The following ENPP4 variants were observed in gnomAD, a reference collection of about 807,000 sequenced individuals.
ENPP4 encodes the protein bis(5'-adenosyl)-triphosphatase ENPP4.
Under a neutral mutation model 33.4 loss-of-function variants are expected in ENPP4, and 18 were observed. That is an observed-to-expected ratio of 0.54 (90% CI 0.37 to 0.80). The LOEUF (loss-of-function observed/expected upper bound fraction) is 0.80, where lower values mean the gene tolerates loss of function less well. ENPP4 is among the 30% of genes least tolerant of loss of function. The probability of loss-of-function intolerance (pLI) is 0.00; values close to 1 mark genes in which losing one functional copy is unlikely to be tolerated. For missense variants in ENPP4, 480 were observed against 541.7 expected (o/e 0.89, Z 1.13); for synonymous variants, 172 against 189.9 (o/e 0.91, Z 0.78).
intron 1 of ENPP4, among the ~76,000 whole-genome samples, chr6:46,138,707 TTAGAGACCAAAGAAGA>T (rs1764011743): frequency 2.0e-5 from 3 of 151,888 alleles, no homozygotes; most frequent in South Asian, 2.1e-4. Flanking sequence ...TCCTATTTTC[TTAGAGACCAAAGAAGA>T]TAGAGAGCAA....
rs762912505 is a variant in ENPP4, at chr6:46,140,180, T to A, written c.597T>A (p.Asp199Glu). The change falls in exon 2 of 4, where the codon GAT becomes GAA. Residue 199 changes from aspartate (D) to glutamate (E), a missense_variant. Physicochemically the swap from Asp to Glu is conservative, Grantham distance 45. Around this residue, in one of 3 missense-constraint regions of ENPP4, gnomAD observed 227 missense variants for 273.7 expected, o/e 0.83. Transcript: ENST00000321037. ...DASGHKYGPEDKENMSRVLKK... is the reference protein window; with the variant it reads ...DASGHKYGPEEKENMSRVLKK... The stretch of plus-strand genomic sequence containing the variant: ...GTGGCCACAAATACGGACCTGAAGA[T>A]AAAGAAAACATGAGCAGAGTGTTGA... 4 of 1,612,542 alleles carry A rather than the reference T, an allele frequency of 2.5e-6. No individual in the cohort carries two copies. Among genetic ancestry groups the A allele is most frequent in the Non-Finnish European group, 2.5e-6 (3 of 1,179,060 alleles).
At chr6:46,143,183 T>C in intron 3 of ENPP4, 93 bp from the exon 4 acceptor site, 4 of 1,247,704 alleles carry the variant, frequency 3.2e-6, no homozygotes, top group Non-Finnish European at 4.4e-6. Flanking sequence ...CTAGTCCCTT[T>C]CTGAAAGAAT....
intron 1 of ENPP4, among the ~76,000 whole-genome samples, chr6:46,131,375 G>T (rs993671280): frequency 1.5e-5 from 2 of 132,956 alleles, no homozygotes; most frequent in African/African-American, 5.9e-5. Context: ...TGTTCTCATT[G>T]TTCAATTCCC....
intron 3 of ENPP4, among the ~76,000 whole-genome samples, chr6:46,142,451 ATATAT>A (rs1214350097): frequency 2.5e-5 from 3 of 121,694 alleles, no homozygotes; most frequent in African/African-American, 8.5e-5. Flanking sequence ...AGAATATATT[ATATAT>A]TATATATAGA....
rs370270459 is a variant in ENPP4, at chr6:46,132,762, G to A, written c.-34+2573G>A. Among the ~76,000 whole-genome samples, 8 of 152,122 alleles carry A rather than the reference G, an allele frequency of 5.3e-5. No individual in the cohort carries two copies. The East Asian group carries it at 5.8e-4, about 11-fold the overall frequency. On this transcript the variant is annotated intron_variant, in intron 1 of 3. Coordinates refer to ENST00000321037, the MANE Select transcript of ENPP4 (RefSeq NM_014936.5). ...CCTTGGGCATTATGGCCATTTTCACGATATTGATTCTTCCTACCCATGAGC... is the reference window on the plus strand; with the variant it reads ...CCTTGGGCATTATGGCCATTTTCACAATATTGATTCTTCCTACCCATGAGC...
chr6:46,145,150 A>G lies in ENPP4; in HGVS notation c.*1510A>G, dbSNP rs3777632. 57,503 of 377,258 alleles carry G rather than the reference A, an allele frequency of 0.15. 5,141 individuals carry two copies. Among genetic ancestry groups the G allele is most frequent in the South Asian group, 0.34 (2,309 of 6,880 alleles). The allele number at this position is 377,258 out of a possible 1,614,324, so 23.4% of individuals were successfully genotyped here. The stretch of plus-strand genomic sequence containing the variant: ...ACTGTTTTACAAATATAAAAGTATA[A>G]TAAATATGCAGCCCAGTTAAATATT... On this transcript the variant is annotated 3_prime_UTR_variant, in exon 4 of 4. Coordinates refer to ENST00000321037, the MANE Select transcript of ENPP4 (RefSeq NM_014936.5).
Position 46,141,087 on chromosome 6 carries a change from A to G in ENPP4, c.862A>G (p.Ser288Gly), listed in dbSNP as rs1276830970. The G allele has an allele frequency of 3.1e-6, 5 of 1,606,470 alleles. No individual in the cohort carries two copies. Among genetic ancestry groups the G allele is most frequent in the Non-Finnish European group, 3.4e-6 (4 of 1,175,150 alleles). ...TEVYNKLKNCSPHMNVYLKED... is the reference protein window; with the variant it reads ...TEVYNKLKNCGPHMNVYLKED... Reference sequence around the variant, plus strand: ...GGTTTATAACAAACTGAAAAACTGTAGCCCTCATATGAATGTTTATCTCAA... The same window carrying G: ...GGTTTATAACAAACTGAAAAACTGTGGCCCTCATATGAATGTTTATCTCAA... Residue 288 changes from serine (S) to glycine (G), a missense_variant, in exon 3 of 4, where the codon AGC becomes GGC. Physicochemically the swap from Ser to Gly is moderately conservative, Grantham distance 56 (BLOSUM62 0). This residue lies in a region of ENPP4 where 249 missense variants were observed against 251.8 expected (regional missense o/e 0.99). Coordinates refer to ENST00000321037, the MANE Select transcript of ENPP4 (RefSeq NM_014936.5).
In ENPP4 at chr6:46,140,359, A is replaced by G; in HGVS notation, c.776A>G (p.Tyr259Cys). ...INLDSCIDHSYYTLIDLSPVA... is the reference protein window; with the variant it reads ...INLDSCIDHSCYTLIDLSPVA... ...CTGGATTCCTGCATCGATCATTCAT[A>G]CTACACTCTTATAGATTTGAGCCCA... The change falls in exon 2 of 4, where the codon TAC becomes TGC. Residue 259 changes from tyrosine (Y) to cysteine (C), a missense_variant. This residue lies in a region of ENPP4 where 249 missense variants were observed against 251.8 expected (regional missense o/e 0.99). Coordinates refer to ENST00000321037, the MANE Select transcript of ENPP4 (RefSeq NM_014936.5). 1 of 1,605,620 alleles carries G rather than the reference A, an allele frequency of 6.2e-7. No individual in the cohort carries two copies. The highest frequency in any genetic ancestry group is 1.1e-5 in the South Asian group (1 of 89,322).
intron 1 of ENPP4, among the ~76,000 whole-genome samples, chr6:46,130,824 G>A (rs1171391431): frequency 1.3e-5 from 2 of 152,110 alleles, no homozygotes; most frequent in African/African-American, 4.8e-5. Flanking sequence ...GAGAAGTGAA[G>A]GGACGCGTCC....
In ENPP4 at chr6:46,141,246, CT is replaced by C. The variant is rs368630943; in HGVS notation, c.997+25del. On this transcript the variant is annotated intron_variant, in intron 3 of 3. Transcript: ENST00000321037. ...ATGTAAGTATTTAGTTGAGATATTT[CT>C]GTTGTATCCTAGGAACAAATCATAC... 52 of 1,559,530 alleles carry C rather than the reference CT, an allele frequency of 3.3e-5. No individual in the cohort carries two copies. The African/African-American group carries it at 6.3e-4, about 19-fold the overall frequency.
At chr6:46,139,451 G>A (rs1333725509) in intron 1 of ENPP4, 100 bp from the exon 2 acceptor site, 7 of 588,956 alleles carry the variant, frequency 1.2e-5, no homozygotes, top group South Asian at 2.1e-5. Flanking sequence ...GGTAAAGCTG[G>A]CATATAAATG....
At chr6:46,139,169 C>T (rs959369026) in intron 1 of ENPP4, among the ~76,000 whole-genome samples, 2 of 151,734 alleles carry the variant, frequency 1.3e-5, no homozygotes, top group Non-Finnish European at 2.9e-5. Flanking sequence ...TAATCATCAT[C>T]TCTGGAGCCT....
intron 1 of ENPP4, among the ~76,000 whole-genome samples, chr6:46,136,393 T>C (rs183686386): frequency 6.6e-6 from 1 of 151,998 alleles, no homozygotes; most frequent in Non-Finnish European, 1.5e-5. Flanking sequence ...TTAACCTTCA[T>C]ATGTAGGAAC....
At chr6:46,133,289 C>T (rs990497260) in intron 1 of ENPP4, among the ~76,000 whole-genome samples, 9 of 152,034 alleles carry the variant, frequency 5.9e-5, no homozygotes, top group Non-Finnish European at 1.5e-5. Flanking sequence ...ATTTTTAAGA[C>T]TAAGGAATTT....
At chr6:46,135,797 T>C (rs1766474431) in intron 1 of ENPP4, among the ~76,000 whole-genome samples, 1 of 152,026 alleles carries the variant, frequency 6.6e-6, no homozygotes, top group Non-Finnish European at 1.5e-5. Flanking sequence ...AGTTTTACAG[T>C]TTTAGCTATT....
intron 2 of ENPP4, 101 bp from the exon 3 acceptor site, chr6:46,140,951 G>C: frequency 1.4e-6 from 1 of 704,482 alleles, no homozygotes; most frequent in Non-Finnish European, 2.3e-6. Context: ...TGATTTAATA[G>C]ATGACATTAT....
chr6:46,143,173 C>G lies in ENPP4; in HGVS notation c.998-103C>G, dbSNP rs142288932. 115 of 1,149,360 alleles carry G rather than the reference C, an allele frequency of 1.0e-4. 2 individuals are homozygous for G. Among genetic ancestry groups the G allele is most frequent in the Middle Eastern group, 2.1e-4 (1 of 4,840 alleles). The allele number at this position is 1,149,360 out of a possible 1,614,324, so 71.2% of individuals were successfully genotyped here. A position where few individuals can be genotyped will look rare whatever the true frequency, so the allele number is the denominator to read the frequency against. ...GTTGAAGAAATAGAAATTTTTATTT[C>G]TAGTCCCTTTCTGAAAGAATTGAAT... On this transcript the variant is annotated intron_variant, in intron 3 of 3. Transcript: ENST00000321037.
In ENPP4 at chr6:46,143,475, G is replaced by A. The variant is rs1454557774; in HGVS notation, c.1197G>A (p.Gln399=). Residue 399 remains glutamine, a synonymous_variant, in exon 4 of 4, where the codon CAG becomes CAA. Coordinates refer to ENST00000321037, the MANE Select transcript of ENPP4 (RefSeq NM_014936.5). The part of the protein sequence containing the change: ...FGHTKCLLVD[Q]WCINLPEAIA... ...ATACTAAGTGCTTGTTAGTTGACCA[G>A]TGGTGCATTAATCTCCCAGAAGCCA... is the stretch of plus-strand genomic sequence containing the variant. 5 of 1,612,702 alleles carry A rather than the reference G, an allele frequency of 3.1e-6. No individual in the cohort carries two copies. Among genetic ancestry groups the A allele is most frequent in the Non-Finnish European group, 4.2e-6 (5 of 1,179,116 alleles).
chr6:46,143,937 T>G lies in ENPP4; in HGVS notation c.*297T>G, dbSNP rs1048072. The G allele has an allele frequency of 4.6e-6, 1 of 218,394 alleles. No homozygotes were observed. The highest frequency in any genetic ancestry group is 9.1e-6 in the Non-Finnish European group (1 of 110,124). 13.5% of individuals were successfully genotyped at this position (218,394 alleles called of 1,614,324 possible). ...AAAAATGGCTTTTGAGAAAAATACTTCCTCTGCTTGTATTTTGCGATGAAG... is the reference window on the plus strand; with the variant it reads ...AAAAATGGCTTTTGAGAAAAATACTGCCTCTGCTTGTATTTTGCGATGAAG... On this transcript the variant is annotated 3_prime_UTR_variant, in exon 4 of 4. Transcript: ENST00000321037.
Sources: allele counts gnomAD v4.1 joint callset (sites outside exome capture counted in the v4.1 genomes callset), GRCh38; gene constraint gnomAD v4.1.1; regional missense constraint gnomAD v4.1.1; transcripts MANE v1.5; gene names NCBI Gene and HGNC (gene_info 2026-07-23, HGNC 2026-07-21).